CD47: variants seen among roughly 807,000 people sequenced by gnomAD.
CD47 encodes leukocyte surface antigen CD47.
Under a neutral mutation model 44.6 loss-of-function variants are expected in CD47, and 11 were observed. The observed-to-expected ratio is 0.25, with a 90% confidence interval of 0.16 to 0.41. The LOEUF is 0.41. CD47 is among the 10% of genes least tolerant of loss of function. The pLI is 1.00. For synonymous variants in CD47, 140 were observed against 136.3 expected, an observed-to-expected ratio of 1.03 and a Z score of -0.19; for missense variants, 306 against 386.7, an observed-to-expected ratio of 0.79 and a Z score of 1.75.
In CD47 at chr3:108,077,568, CTG is replaced by C. The variant is rs1318592356; in HGVS notation, c.400+2421_400+2422del. On this transcript the variant is annotated intron_variant, in intron 2 of 10. Transcript: ENST00000361309. Reference sequence around the variant, plus strand: ...AGCATTTATCCCAGAGAAATGAAAACTGTGTCTACACAAGAACCTGTACACAA... The same window carrying C: ...AGCATTTATCCCAGAGAAATGAAAACTGTCTACACAAGAACCTGTACACAA... Among the ~76,000 whole-genome samples, 16 of 152,274 alleles carry C rather than the reference CTG, an allele frequency of 1.1e-4. No individual in the cohort carries two copies. In the South Asian group the frequency reaches 3.1e-3, roughly 30 times the overall value.
Position 108,080,262 on chromosome 3 carries a change from A to T in CD47, c.129T>A (p.Val43=). 1 of 1,611,866 alleles carries T rather than the reference A, an allele frequency of 6.2e-7. No homozygotes were observed. Among genetic ancestry groups the T allele is most frequent in the South Asian group, 1.1e-5 (1 of 91,010 alleles). The change falls in exon 2 of 11, where the codon GTT becomes GTA. Residue 43 remains valine (V), a synonymous_variant. Transcript: ENST00000361309. The part of the protein sequence containing the change: ...CNDTVVIPCF[V]TNMEAQNTTE... ...TAGTGTTTTGTGCCTCCATATTAGT[A>T]ACAAAGCATGGAATGACGACAGTGT...
At chr3:108,061,792 T>C (rs2079019818) in intron 3 of CD47, among the ~76,000 whole-genome samples, 1 of 152,222 alleles carries the variant, frequency 6.6e-6, no homozygotes, top group Non-Finnish European at 1.5e-5. Flanking sequence ...GAAATGCTGC[T>C]GTGTGTCATC....
chr3:108,047,400 A>G, intron 10 of CD47, 108 bp from the exon 11 acceptor site: 1 of 710,806 alleles, frequency 1.4e-6, no homozygotes, highest in Non-Finnish European at 2.3e-6. Context: ...CTAAAAATTA[A>G]GAAAATAGAC....
At chr3:108,080,521 T>C (rs1203278452) in intron 1 of CD47, among the ~76,000 whole-genome samples, 177 bp from the exon 2 acceptor site, 3 of 151,906 alleles carry the variant, frequency 2.0e-5, no homozygotes, top group African/African-American at 7.2e-5. Context: ...ATTTTAATAT[T>C]AACTTGCACA....
chr3:108,050,669 T>A (rs1469831194), intron 8 of CD47, 67 bp from the exon 9 acceptor site: 1 of 596,300 alleles, frequency 1.7e-6, no homozygotes, highest in African/African-American at 1.9e-5. Flanking sequence ...ATAGTAAAAC[T>A]TATATATGCT....
chr3:108,049,091 A>C, intron 10 of CD47, among the ~76,000 whole-genome samples: 4 of 138,652 alleles, frequency 2.9e-5, no homozygotes, highest in Non-Finnish European at 3.1e-5. Flanking sequence ...CTGAGGACGA[A>C]ACATCTCTCT....
intron 1 of CD47, among the ~76,000 whole-genome samples, chr3:108,087,067 C>T (rs533241333): frequency 6.6e-6 from 1 of 152,260 alleles, no homozygotes; most frequent in East Asian, 1.9e-4. Context: ...AGTTAATTAT[C>T]TGCTGGGAAT....
intron 2 of CD47, among the ~76,000 whole-genome samples, chr3:108,077,348 G>A (rs1203892217): frequency 2.0e-5 from 3 of 151,982 alleles, no homozygotes; most frequent in Non-Finnish European, 2.9e-5. Context: ...ACTGGTTTTT[G>A]TTTGTTTGTT....
At chr3:108,064,908 C>T (rs2079077304) in intron 3 of CD47, among the ~76,000 whole-genome samples, 1 of 152,066 alleles carries the variant, frequency 6.6e-6, no homozygotes, top group South Asian at 2.1e-4. Flanking sequence ...ACATCAGACA[C>T]CTTTACACAT....
chr3:108,073,161 T>G (rs533638226), intron 2 of CD47, among the ~76,000 whole-genome samples: 1 of 152,112 alleles, frequency 6.6e-6, no homozygotes, highest in East Asian at 1.9e-4. Flanking sequence ...ACCTTCAAAA[T>G]ATAGCCAATA....
Position 108,049,094 on chromosome 3 carries a change from ATCTCTCTCTCTCTCTCTCTCTCTCTCTC to A in CD47, c.967+497_967+524del, listed in dbSNP as rs55708779. Among the ~76,000 whole-genome samples, 14 of 129,370 alleles carry A rather than the reference ATCTCTCTCTCTCTCTCTCTCTCTCTCTC, an allele frequency of 1.1e-4. No individual in the cohort carries two copies. In the South Asian group the frequency reaches 2.5e-3, roughly 24 times the overall value. 84.9% of individuals were successfully genotyped at this position (129,370 alleles called of 152,430 possible). Reference sequence around the variant, plus strand: ...TGGAAGCAAAAGCTGAGGACGAAACATCTCTCTCTCTCTCTCTCTCTCTCTCTCTCTCTCTCTCTCTCTCTCTCTCAAC... The same window carrying A: ...TGGAAGCAAAAGCTGAGGACGAAACATCTCTCTCTCTCTCTCTCTCTCAAC... On this transcript the variant is annotated intron_variant, in intron 10 of 10. Coordinates refer to ENST00000361309, the MANE Select transcript of CD47 (RefSeq NM_001777.4).
chr3:108,051,194 T>C (rs767156001), intron 8 of CD47, among the ~76,000 whole-genome samples: 1 of 152,124 alleles, frequency 6.6e-6, no homozygotes, highest in Non-Finnish European at 1.5e-5. Context: ...GACAGAAGAC[T>C]CTCTTTGGCA....
intron 8 of CD47, 72 bp from the exon 9 acceptor site, chr3:108,050,674 T>A (rs2078810985): frequency 1.7e-6 from 1 of 585,394 alleles, no homozygotes; most frequent in Non-Finnish European, 3.0e-6. Flanking sequence ...AAAACTTATA[T>A]ATGCTAATAT....
chr3:108,056,335 T>C (rs1480354543), intron 7 of CD47, among the ~76,000 whole-genome samples: 4 of 152,220 alleles, frequency 2.6e-5, no homozygotes, highest in Non-Finnish European at 5.9e-5. Context: ...TTTAGTTAAG[T>C]ATTTTAATTA....
intron 6 of CD47, 74 bp from the exon 7 acceptor site, chr3:108,057,643 G>A (rs550980251): frequency 9.1e-6 from 7 of 767,964 alleles, no homozygotes; most frequent in South Asian, 1.6e-5. Context: ...ATAATCCCAA[G>A]TTTTAAGAGA....
chr3:108,088,615 C>T (rs1360238826), intron 1 of CD47, among the ~76,000 whole-genome samples: 4 of 151,214 alleles, frequency 2.6e-5, no homozygotes, highest in Admixed American at 1.3e-4. Context: ...ATCATATGTA[C>T]CCTGATTTAA....
chr3:108,071,356 TA>T (rs1298754109), intron 2 of CD47, among the ~76,000 whole-genome samples, 174 bp from the exon 3 acceptor site: 1 of 152,256 alleles, frequency 6.6e-6, no homozygotes, highest in Non-Finnish European at 1.5e-5. Flanking sequence ...AAATTACACA[TA>T]ATGTACTTAT....
chr3:108,090,977 C>A lies in CD47; in HGVS notation c.-69G>T. The A allele has an allele frequency of 8.5e-7, 1 of 1,172,800 alleles. No individual in the cohort carries two copies. The highest frequency in any genetic ancestry group is 1.1e-6 in the Non-Finnish European group (1 of 888,874). 72.6% of individuals were successfully genotyped at this position (1,172,800 alleles called of 1,614,324 possible). A position where few individuals can be genotyped will look rare whatever the true frequency, so the allele number is the denominator to read the frequency against. ...GGAGCAGCAGCCGCCGCCGCCGTTA[C>A]AGGCAGGACCGACCGCCGCCGCGCG... On this transcript the variant is annotated 5_prime_UTR_variant, in exon 1 of 11. Coordinates refer to ENST00000361309, the MANE Select transcript of CD47 (RefSeq NM_001777.4).
chr3:108,069,069 G>T (rs535565049), intron 3 of CD47, among the ~76,000 whole-genome samples: 1 of 152,098 alleles, frequency 6.6e-6, no homozygotes, highest in Non-Finnish European at 1.5e-5. Flanking sequence ...AGATTTTAGC[G>T]TTATAATATC....
Sources: gnomAD v4.1 joint callset for allele counts (sites outside exome capture counted in the v4.1 genomes callset) on GRCh38, gnomAD v4.1.1 for gene constraint, MANE v1.5 for transcripts, NCBI Gene and HGNC (gene_info 2026-07-23, HGNC 2026-07-21) for gene names.